PDE3A: variants seen among roughly 807,000 people sequenced by gnomAD.
The protein encoded by PDE3A is cGMP-inhibited 3',5'-cyclic phosphodiesterase 3A.
In PDE3A, 43 loss-of-function variants were observed where a neutral mutation model predicts 98.3. The ratio of observed to expected loss-of-function variants is 0.44; its 90% CI spans 0.34 to 0.56. The LOEUF (loss-of-function observed/expected upper bound fraction) is 0.56, where lower values mean the gene tolerates loss of function less well. PDE3A is among the 20% of genes least tolerant of loss of function. The probability of loss-of-function intolerance (pLI) is 0.01; values close to 1 mark genes in which losing one functional copy is unlikely to be tolerated. For synonymous variants in PDE3A, 663 were observed against 567.9 expected, an observed-to-expected ratio of 1.17 and a Z score of -2.38; for missense variants, 1,427 against 1,440.7, an observed-to-expected ratio of 0.99 and a Z score of 0.15.
intron 1 of PDE3A, among the ~76,000 whole-genome samples, chr12:20,461,118 A>ATC (rs1945240898): frequency 6.6e-6 from 1 of 151,752 alleles, no homozygotes; most frequent in African/African-American, 2.4e-5. Context: ...CTCTAATGTT[A>ATC]CTGATTAAGA....
At chr12:20,444,800 G>A (rs989584364) in intron 1 of PDE3A, among the ~76,000 whole-genome samples, 8 of 152,142 alleles carry the variant, frequency 5.3e-5, no homozygotes, top group African/African-American at 1.7e-4. Flanking sequence ...GAAGGGAAAG[G>A]GTGAGGAATC....
intron 1 of PDE3A, among the ~76,000 whole-genome samples, chr12:20,454,287 C>T (rs1945117499): frequency 6.6e-6 from 1 of 152,136 alleles, no homozygotes; most frequent in South Asian, 2.1e-4. Context: ...ACTTCCTTGC[C>T]TGTGCTCCAG....
At chr12:20,464,406 T>C (rs1945304446) in intron 1 of PDE3A, among the ~76,000 whole-genome samples, 1 of 152,216 alleles carries the variant, frequency 6.6e-6, no homozygotes, top group African/African-American at 2.4e-5. Flanking sequence ...TGGAATTATT[T>C]TTTCAGCTCT....
intron 2 of PDE3A, among the ~76,000 whole-genome samples, chr12:20,575,114 TATA>T (rs1942899679): frequency 6.6e-6 from 1 of 152,050 alleles, no homozygotes; most frequent in African/African-American, 2.4e-5. Flanking sequence ...TGAGGAGGAA[TATA>T]ATATTATCCA....
intron 2 of PDE3A, among the ~76,000 whole-genome samples, chr12:20,584,769 C>T (rs1189017726): frequency 6.6e-6 from 1 of 151,940 alleles, no homozygotes; most frequent in African/African-American, 2.4e-5. Context: ...TCAAGTGTGC[C>T]GTTAATATTC....
intron 15 of PDE3A, among the ~76,000 whole-genome samples, chr12:20,673,256 T>A (rs186374688): frequency 0.042 from 6,375 of 151,704 alleles, 232 homozygotes; most frequent in African/African-American, 0.091. Flanking sequence ...TTGGTGGGAC[T>A]GTAAACTAGT....
intron 1 of PDE3A, among the ~76,000 whole-genome samples, chr12:20,470,710 A>G (rs1313631715): frequency 6.6e-6 from 1 of 152,148 alleles, no homozygotes; most frequent in African/African-American, 2.4e-5. Context: ...CGAATCTTGA[A>G]TAAGCATCAA....
chr12:20,485,516 T>C (rs1232097271), intron 1 of PDE3A, among the ~76,000 whole-genome samples: 1 of 152,202 alleles, frequency 6.6e-6, no homozygotes, highest in Non-Finnish European at 1.5e-5. Context: ...TTAGTGTTAA[T>C]ACATTTTCAG....
At chr12:20,394,882 T>C (rs1943980334) in intron 1 of PDE3A, among the ~76,000 whole-genome samples, 1 of 152,064 alleles carries the variant, frequency 6.6e-6, no homozygotes, top group Non-Finnish European at 1.5e-5. Context: ...GTAAACATCC[T>C]ACAGTTCAGA....
Position 20,552,921 on chromosome 12 carries a change from C to G in PDE3A, c.961-3739C>G. The G allele has an allele frequency of 6.3e-7, 1 of 1,581,528 alleles. No homozygotes were observed. Among genetic ancestry groups the G allele is most frequent in the Non-Finnish European group, 8.6e-7 (1 of 1,164,190 alleles). On this transcript the variant is annotated intron_variant, in intron 1 of 15. Coordinates refer to ENST00000359062, the MANE Select transcript of PDE3A (RefSeq NM_000921.5). This position sits in a 1 kb window ranked among gnomAD's most constrained non-coding sequence, Gnocchi z 5.1. ...TGTTCAGCTGCCCTGCCTGCCGCTACGACCTGGGCCGCAGCTATGCCATGC... is the reference window on the plus strand; with the variant it reads ...TGTTCAGCTGCCCTGCCTGCCGCTAGGACCTGGGCCGCAGCTATGCCATGC...
At chr12:20,611,961 C>T (rs1354538463) in intron 2 of PDE3A, among the ~76,000 whole-genome samples, 1 of 151,146 alleles carries the variant, frequency 6.6e-6, no homozygotes, top group Non-Finnish European at 1.5e-5. Flanking sequence ...CTGCTATACC[C>T]TTTGTGTTAT....
intron 2 of PDE3A, among the ~76,000 whole-genome samples, chr12:20,589,868 T>TA (rs11362815): frequency 0.011 from 1,190 of 112,328 alleles, 10 homozygotes; most frequent in African/African-American, 0.031. Context: ...GACTGCATCT[T>TA]AAAAAAAAAA....
At chr12:20,502,016 T>C (rs2121085957) in intron 1 of PDE3A, among the ~76,000 whole-genome samples, 2 of 152,300 alleles carry the variant, frequency 1.3e-5, no homozygotes, top group South Asian at 4.1e-4. Context: ...CGGATAATTG[T>C]TCACTAATTT....
intron 1 of PDE3A, among the ~76,000 whole-genome samples, chr12:20,395,868 T>G (rs1227804012): frequency 6.6e-6 from 1 of 151,798 alleles, no homozygotes; most frequent in Non-Finnish European, 1.5e-5. Flanking sequence ...AAAAATATTT[T>G]CCCTTTTAAA....
chr12:20,400,608 C>G (rs184801274), intron 1 of PDE3A, among the ~76,000 whole-genome samples: 2 of 151,684 alleles, frequency 1.3e-5, no homozygotes, highest in Non-Finnish European at 2.9e-5. Context: ...TTAGTGGAGA[C>G]GAGGTTTCAC....
At chr12:20,572,570 A>G (rs537560789) in intron 2 of PDE3A, among the ~76,000 whole-genome samples, 2 of 152,196 alleles carry the variant, frequency 1.3e-5, no homozygotes, top group South Asian at 2.1e-4. Context: ...AAGATTGACA[A>G]TGTCCATCCT....
chr12:20,649,440 G>A (rs964692803), intron 13 of PDE3A, among the ~76,000 whole-genome samples: 5 of 152,070 alleles, frequency 3.3e-5, no homozygotes, highest in Non-Finnish European at 4.4e-5. Context: ...GTGCTACAGA[G>A]GAATAACACA....
At chr12:20,560,812 T>G (rs1339481293) in intron 2 of PDE3A, among the ~76,000 whole-genome samples, 4 of 151,946 alleles carry the variant, frequency 2.6e-5, no homozygotes. Flanking sequence ...TCTTCCAGAG[T>G]GGTCCTTTTG....
Position 20,687,952 on chromosome 12 carries a change from T to G in PDE3A, c.*7681T>G, listed in dbSNP as rs1035225177. On this transcript the variant is annotated 3_prime_UTR_variant, in exon 16 of 16. Transcript: ENST00000359062. ...AAAAAAAAAAACTGGCATTGGCAAG[T>G]TTTAATTAATATGGCCCAAAAATTT... 1.4e-5 allele frequency among the ~76,000 whole-genome samples: 2 copies of G among 140,854 alleles called. No homozygotes were observed. The highest frequency in any genetic ancestry group is 5.6e-5 in the African/African-American group (2 of 35,766). The allele number at this position is 140,854 out of a possible 152,430, so 92.4% of individuals were successfully genotyped here. A position where few individuals can be genotyped will look rare whatever the true frequency, so the allele number is the denominator to read the frequency against.
Sources: gnomAD v4.1 joint callset for allele counts (sites outside exome capture counted in the v4.1 genomes callset) on GRCh38, gnomAD v4.1.1 for gene constraint, Gnocchi (gnomAD v3.1) non-coding constraint, MANE v1.5 for transcripts, NCBI Gene and HGNC (gene_info 2026-07-23, HGNC 2026-07-21) for gene names.